SOD2: variants seen among roughly 807,000 people sequenced by gnomAD.
The protein encoded by SOD2 is superoxide dismutase [Mn], mitochondrial.
Under a neutral mutation model 27.0 loss-of-function variants are expected in SOD2, and 11 were observed. The observed-to-expected ratio is 0.41, with a 90% confidence interval of 0.26 to 0.67. The LOEUF (loss-of-function observed/expected upper bound fraction) is 0.67. Ranked by LOEUF, SOD2 falls within the 30% of genes least tolerant of loss-of-function variation. SOD2 has a pLI of 0.34. For synonymous variants in SOD2, 105 were observed against 103.0 expected (o/e 1.02, Z -0.12); for missense variants, 250 against 274.5 (o/e 0.91, Z 0.63).
At chr6:159,698,301 CA>C (rs1453368564) in intron 1 of SOD2, among the ~76,000 whole-genome samples, 55 of 106,818 alleles carry the variant, frequency 5.1e-4, no homozygotes, top group Non-Finnish European at 2.5e-4. Flanking sequence ...AAACAAAAAA[CA>C]AAACAAAAAA....
chr6:159,746,840 G>A (rs1045193042), upstream of SOD2, among the ~76,000 whole-genome samples: 2 of 152,076 alleles, frequency 1.3e-5, no homozygotes, highest in African/African-American at 2.4e-5. Context: ...ATTCTAGTCT[G>A]ATTCACCTCT....
At chr6:159,747,441 G>A (rs1183256643), upstream of SOD2, among the ~76,000 whole-genome samples, 1 of 152,086 alleles carries the variant, frequency 6.6e-6, no homozygotes, top group Non-Finnish European at 1.5e-5. Context: ...TTACTTTCCA[G>A]CTTTACAATT....
intron 1 of SOD2, among the ~76,000 whole-genome samples, chr6:159,705,818 G>C: frequency 6.6e-6 from 1 of 152,168 alleles, no homozygotes; most frequent in Non-Finnish European, 1.5e-5. Context: ...ATAATTGTCA[G>C]ATTCACCAAA....
chr6:159,723,081 A>T lies in SOD2; in HGVS notation c.-116+4048T>A, dbSNP rs575042787. Among the ~76,000 whole-genome samples, 3 of 152,208 alleles carry T rather than the reference A, an allele frequency of 2.0e-5. No individual in the cohort carries two copies. The East Asian group carries it at 5.8e-4, about 29-fold the overall frequency. ...ACCTGTGAAACCTTTCCTTTTGTCCACTGTAAAGCTTTCCCACTCCTCTGC... is the reference window on the plus strand; with the variant it reads ...ACCTGTGAAACCTTTCCTTTTGTCCTCTGTAAAGCTTTCCCACTCCTCTGC... On this transcript the variant is annotated intron_variant, in intron 1 of 2. Coordinates refer to the SOD2 transcript ENST00000401980.
At chr6:159,755,382 C>T in intron 1 of SOD2, 1 of 1,614,214 alleles carries the variant, frequency 6.2e-7, no homozygotes. Context: ...GAGGAGAGAA[C>T]TGGCAGAGGA....
intron 1 of SOD2, among the ~76,000 whole-genome samples, chr6:159,717,688 T>C (rs771056145): frequency 2.6e-5 from 4 of 152,140 alleles, no homozygotes; most frequent in Non-Finnish European, 4.4e-5. Flanking sequence ...GTTGTATCTG[T>C]TAATAACCTC....
chr6:159,727,043 A>G (rs1778210055), intron 1 of SOD2: 5 of 1,225,604 alleles, frequency 4.1e-6, no homozygotes, highest in Non-Finnish European at 5.2e-6. Flanking sequence ...GGCCCCGGCG[A>G]GTACTTCCAC....
chr6:159,749,230 A>G (rs1779733721), upstream of SOD2: 1 of 985,852 alleles, frequency 1.0e-6, no homozygotes, highest in Non-Finnish European at 1.2e-6. Context: ...ACTAGATTGT[A>G]TAAGGATATT....
At chr6:159,689,413 T>C (rs764483933) in intron 2 of SOD2, among the ~76,000 whole-genome samples, 9 of 152,230 alleles carry the variant, frequency 5.9e-5, no homozygotes, top group Non-Finnish European at 7.3e-5. Context: ...GCATACTGCA[T>C]GGGTACCTTG....
At chr6:159,728,037 C>G (rs59250477), upstream of SOD2, among the ~76,000 whole-genome samples, 2,445 of 152,318 alleles carry the variant, frequency 0.016, 79 homozygotes, top group African/African-American at 0.056. Flanking sequence ...GGGGTCGCCC[C>G]CTTCACCTCC....
At position 159,755,680 on chromosome 6, in the gene SOD2, C is replaced by T; in HGVS notation, c.-336+5357G>A. 3 of 1,341,184 alleles carry T rather than the reference C, an allele frequency of 2.2e-6. No individual in the cohort carries two copies. The South Asian group carries it at 6.3e-5, about 28-fold the overall frequency. The allele number at this position is 1,341,184 out of a possible 1,614,324, so 83.1% of individuals were successfully genotyped here. On this transcript the variant is annotated intron_variant, in intron 1 of 7. Transcript: ENST00000546087. Reference sequence around the variant, plus strand: ...GAGGATACTGTCCAGAAAATTAATGCATACTTTTGTCACAATTTGCCTTTT... The same window carrying T: ...GAGGATACTGTCCAGAAAATTAATGTATACTTTTGTCACAATTTGCCTTTT...
chr6:159,726,896 C>T, intron 1 of SOD2: 1 of 1,289,164 alleles, frequency 7.8e-7, no homozygotes, highest in Non-Finnish European at 1.0e-6. Context: ...TCGCCGCCCA[C>T]GGCCTCTCTC....
At chr6:159,717,487 TG>T (rs1337365720) in intron 1 of SOD2, among the ~76,000 whole-genome samples, 2 of 152,188 alleles carry the variant, frequency 1.3e-5, no homozygotes, top group Non-Finnish European at 2.9e-5. Context: ...TTTCCATACA[TG>T]TATACAATGT....
chr6:159,678,125 C>T lies in SOD2; in HGVS notation c.*4368G>A, dbSNP rs1309810833. ...CCCAAAGGGTCGGGGTCCAGATGAG[C>T]TTCTGGGTAGCTGATGACGTGGAGA... On this transcript the variant is annotated 3_prime_UTR_variant, in exon 5 of 5. Transcript: ENST00000538183. 6.6e-6 allele frequency: 1 copy of T among 152,222 alleles called. No homozygotes were observed. The highest frequency in any genetic ancestry group is 1.5e-5 in the Non-Finnish European group (1 of 68,056). The allele number at this position is 152,222 out of a possible 1,614,324, so 9.4% of individuals were successfully genotyped here. A position where few individuals can be genotyped will look rare whatever the true frequency, so the allele number is the denominator to read the frequency against.
exon 1 of SOD2, chr6:159,762,161 C>A: frequency 5.0e-6 from 8 of 1,606,790 alleles, no homozygotes; most frequent in Non-Finnish European, 6.8e-6. Flanking sequence ...CCGGCGGGAG[C>A]CGCGCAGAGT....
At chr6:159,735,863 C>G (rs1778882044) in intron 1 of SOD2, among the ~76,000 whole-genome samples, 1 of 152,108 alleles carries the variant, frequency 6.6e-6, no homozygotes, top group Non-Finnish European at 1.5e-5. Flanking sequence ...AAAGGAAAGA[C>G]TTAAACTGGT....
At chr6:159,708,598 C>G (rs954668148) in intron 1 of SOD2, among the ~76,000 whole-genome samples, 1 of 152,110 alleles carries the variant, frequency 6.6e-6, no homozygotes, top group Non-Finnish European at 1.5e-5. Flanking sequence ...AACTACAAAC[C>G]ACTGCTCAAC....
chr6:159,693,307 C>A, upstream of SOD2: 1 of 546,492 alleles, frequency 1.8e-6, no homozygotes. Context: ...CCCAGCTGCG[C>A]CGCAAGGGCA....
chr6:159,709,299 C>CA lies in SOD2; in HGVS notation c.-115-16437dup, dbSNP rs897664659. On this transcript the variant is annotated intron_variant, in intron 1 of 2. Coordinates refer to the SOD2 transcript ENST00000401980. ...ATTAACCTAAAGAGCTTCTGCACAGCAAAAAAAACTACCATTAGACTGAAC... is the reference window on the plus strand; with the variant it reads ...ATTAACCTAAAGAGCTTCTGCACAGCAAAAAAAAACTACCATTAGACTGAAC... Among the ~76,000 whole-genome samples the CA allele has an allele frequency of 1.8e-3, 272 of 151,580 alleles. 1 individual carries two copies. Among genetic ancestry groups the CA allele is most frequent in the South Asian group, 4.6e-3 (22 of 4,788 alleles).
Sources: gnomAD v4.1 joint callset for allele counts (sites outside exome capture counted in the v4.1 genomes callset) on GRCh38, gnomAD v4.1.1 for gene constraint, MANE v1.5 for transcripts, NCBI Gene and HGNC (gene_info 2026-07-23, HGNC 2026-07-21) for gene names.